CYBA: variants seen among roughly 807,000 people sequenced by gnomAD.
The protein encoded by CYBA is cytochrome b-245 alpha chain.
A neutral mutation model predicts 20.8 loss-of-function variants in CYBA; 21 were observed. That is an observed-to-expected ratio of 1.01 (90% CI 0.72 to 1.46). The LOEUF (loss-of-function observed/expected upper bound fraction) is 1.46, where lower values mean the gene tolerates loss of function less well. Ranked by LOEUF, CYBA falls within the 40% of genes most tolerant of loss-of-function variation. CYBA has a pLI of 0.00. For synonymous variants in CYBA, 164 were observed against 127.5 expected, an observed-to-expected ratio of 1.29 and a Z score of -1.93; for missense variants, 344 against 287.0, an observed-to-expected ratio of 1.20 and a Z score of -1.43.
intron 4 of CYBA, chr16:88,646,498 C>G: frequency 1.4e-6 from 1 of 696,538 alleles, no homozygotes; most frequent in Non-Finnish European, 2.6e-6. Context: ...CCAGGCAAGA[C>G]CCCCCAGCAG....
At position 88,646,202 on chromosome 16, in the gene CYBA, G is replaced by A; in HGVS notation, c.288-5C>T. 1 of 1,504,302 alleles carries A rather than the reference G, an allele frequency of 6.6e-7. No individual in the cohort carries two copies. Among genetic ancestry groups the A allele is most frequent in the Non-Finnish European group, 8.9e-7 (1 of 1,128,394 alleles). 93.2% of individuals were successfully genotyped at this position (1,504,302 alleles called of 1,614,324 possible). On this transcript the variant is annotated splice_polypyrimidine_tract_variant and splice_region_variant and intron_variant, in intron 4 of 5. Coordinates refer to ENST00000261623, the MANE Select transcript of CYBA (RefSeq NM_000101.4). ...AAGCCGGCGGGCACCGAGAGCCTGG[G>A]GGACAGCGGGTGAGAGGCAGGGACA... is the stretch of plus-strand genomic sequence containing the variant.
intron 1 of CYBA, 71 bp from the exon 2 acceptor site, chr16:88,648,185 C>T: frequency 6.8e-7 from 1 of 1,464,750 alleles, no homozygotes; most frequent in Non-Finnish European, 9.3e-7. Flanking sequence ...CCTTCTCTAC[C>T]TACTGTGGGC....
chr16:88,650,915 C>T (rs1907502133), intron 1 of CYBA, 41 bp downstream of exon 1: 2 of 1,562,192 alleles, frequency 1.3e-6, no homozygotes, highest in East Asian at 2.4e-5. Context: ...TTGGGACACC[C>T]CTCCAGGCTG....
intron 5 of CYBA, chr16:88,645,022 G>C (rs1907223180): frequency 1.6e-6 from 1 of 624,602 alleles, no homozygotes; most frequent in East Asian, 2.7e-5. Flanking sequence ...TGGTGGGAGA[G>C]ATGGGGCCAC....
Position 88,646,786 on chromosome 16 carries a change from T to A in CYBA, c.256A>T (p.Asn86Tyr). ...TGCAGGACGGCCCGAACATAGTAAT[T>A]CCTGGTAAAGGGCCCGAACAGCTTC... Reference protein sequence around the residue: ...VVKLFGPFTRNYYVRAVLHLL... With the variant: ...VVKLFGPFTRYYYVRAVLHLL... Residue 86 changes from asparagine (N) to tyrosine (Y), a missense_variant, in exon 4 of 6, where the codon AAT (asparagine) becomes TAT (tyrosine). Transcript: ENST00000261623. The A allele has an allele frequency of 6.2e-7, 1 of 1,613,902 alleles. No individual in the cohort carries two copies. Among genetic ancestry groups the A allele is most frequent in the Non-Finnish European group, 8.5e-7 (1 of 1,179,962 alleles).
chr16:88,646,310 C>A, intron 4 of CYBA, 113 bp from the exon 5 acceptor site: 2 of 911,508 alleles, frequency 2.2e-6, no homozygotes, highest in Admixed American at 4.3e-5. Flanking sequence ...AGACTGCAGA[C>A]CCAGGGGACG....
chr16:88,644,562 C>T (rs531387194), intron 5 of CYBA, among the ~76,000 whole-genome samples: 1 of 152,364 alleles, frequency 6.6e-6, no homozygotes, highest in East Asian at 1.9e-4. Context: ...CGGTGGCTCA[C>T]GCCTGTAATC....
At chr16:88,650,741 C>T in intron 1 of CYBA, 1 of 621,138 alleles carries the variant, frequency 1.6e-6, no homozygotes, top group South Asian at 1.8e-5. Context: ...TCCGCAGGGT[C>T]TGCAAGGGAA....
At chr16:88,650,807 C>T (rs1205401743) in intron 1 of CYBA, 149 bp downstream of exon 1, 6 of 807,644 alleles carry the variant, frequency 7.4e-6, no homozygotes, top group South Asian at 1.5e-5. Context: ...GTCCCGCCCC[C>T]GTTCCCCGCA....
chr16:88,649,805 C>T (rs899643502), intron 1 of CYBA, among the ~76,000 whole-genome samples: 1 of 152,208 alleles, frequency 6.6e-6, no homozygotes, highest in African/African-American at 2.4e-5. Flanking sequence ...CCAGGAGCCC[C>T]TGGAGGGTTT....
rs767148046 is a variant in CYBA, at chr16:88,647,138, G to T, written c.166C>A (p.Arg56=). The change falls in exon 3 of 6, where the codon CGG becomes AGG. Residue 56 remains arginine (R), a synonymous_variant. Coordinates refer to ENST00000261623, the MANE Select transcript of CYBA (RefSeq NM_000101.4). ...GVFVCLLEYP[R]GKRKKGSTME... ...GTGGAGCCCTTCTTCCTCTTCCCCC[G>T]GGGGTACTCCAGCAGGCACACAAAC... 3.1e-6 allele frequency: 5 copies of T among 1,611,016 alleles called. No homozygotes were observed. Among genetic ancestry groups the T allele is most frequent in the Non-Finnish European group, 3.4e-6 (4 of 1,179,728 alleles).
Position 88,643,436 on chromosome 16 carries a change from C to T in CYBA, c.505G>A (p.Glu169Lys), listed in dbSNP as rs572654914. ...PPAEARKKPS[E>K]EEAAVAAGGP... ...CCCGCCGCCACCGCAGCCTCCTCCTCGCTGGGCTTCTTGCGGGCCTCGGCC... is the reference window on the plus strand; with the variant it reads ...CCCGCCGCCACCGCAGCCTCCTCCTTGCTGGGCTTCTTGCGGGCCTCGGCC... Residue 169 changes from glutamate to lysine, a missense_variant, in exon 6 of 6, where the codon GAG (glutamate) becomes AAG (lysine). Physicochemically the swap from Glu to Lys is moderately conservative, Grantham distance 56 (BLOSUM62 1). Transcript: ENST00000261623. The surrounding 1 kb of genome is among the most constrained non-coding windows in gnomAD (Gnocchi z 4.3). The T allele has an allele frequency of 3.0e-5, 46 of 1,535,422 alleles. No individual in the cohort carries two copies. In the Admixed American group the frequency reaches 3.9e-4, roughly 13 times the overall value.
At chr16:88,649,480 G>A (rs920189148) in intron 1 of CYBA, among the ~76,000 whole-genome samples, 2 of 152,222 alleles carry the variant, frequency 1.3e-5, no homozygotes, top group Non-Finnish European at 2.9e-5. Flanking sequence ...GACGTATTCT[G>A]GCACCCAGCC....
chr16:88,646,728 T>C, intron 4 of CYBA, 27 bp downstream of exon 4: 1 of 1,600,962 alleles, frequency 6.2e-7, no homozygotes, highest in Non-Finnish European at 8.6e-7. Flanking sequence ...TCCTGAGCCC[T>C]AGAGGGGGTG....
At chr16:88,648,509 G>C (rs960950412) in intron 1 of CYBA, among the ~76,000 whole-genome samples, 2 of 152,166 alleles carry the variant, frequency 1.3e-5, no homozygotes. Flanking sequence ...TTTTCCCCCC[G>C]ATACGGAGTT....
intron 2 of CYBA, chr16:88,647,734 C>T (rs1047533967): frequency 8.1e-6 from 4 of 494,242 alleles, no homozygotes; most frequent in Non-Finnish European, 1.5e-5. Context: ...AGGGGGATGA[C>T]TGACAGGAGC....
At chr16:88,650,884 C>A in intron 1 of CYBA, 72 bp downstream of exon 1, 1 of 1,485,158 alleles carries the variant, frequency 6.7e-7, no homozygotes, top group Non-Finnish European at 9.2e-7. Flanking sequence ...CTGTAAGTAG[C>A]CCGAGGTCCC....
intron 1 of CYBA, among the ~76,000 whole-genome samples, chr16:88,648,776 C>T (rs1380477770): frequency 6.6e-6 from 1 of 151,582 alleles, no homozygotes; most frequent in Admixed American, 6.6e-5. Flanking sequence ...CGCCACCATG[C>T]CCAGCTAATT....
intron 5 of CYBA, chr16:88,645,102 C>A: frequency 1.4e-6 from 1 of 691,324 alleles, no homozygotes; most frequent in Non-Finnish European, 2.6e-6. Context: ...GAGGCTGATG[C>A]CTGACCCAGC....
Sources: gnomAD v4.1 joint callset for allele counts (sites outside exome capture counted in the v4.1 genomes callset) on GRCh38, gnomAD v4.1.1 for gene constraint, Gnocchi (gnomAD v3.1) non-coding constraint, MANE v1.5 for transcripts, NCBI Gene and HGNC (gene_info 2026-07-23, HGNC 2026-07-21) for gene names.